NRROS: variants seen among roughly 807,000 people sequenced by gnomAD.
NRROS encodes transforming growth factor beta activator LRRC33.
NRROS carries 6 observed loss-of-function variants against 12.0 expected under a neutral mutation model. That is an observed-to-expected ratio of 0.50 (90% CI 0.27 to 0.98). The LOEUF (loss-of-function observed/expected upper bound fraction) is 0.98. Ranked by LOEUF, NRROS falls within the 50% of genes least tolerant of loss-of-function variation. The probability of loss-of-function intolerance (pLI) is 0.11; values close to 1 mark genes in which losing one functional copy is unlikely to be tolerated. For synonymous variants in NRROS, 462 were observed against 410.2 expected, an observed-to-expected ratio of 1.13 and a Z score of -1.53; for missense variants, 857 against 888.2, an observed-to-expected ratio of 0.96 and a Z score of 0.45.
chr3:196,655,235 TAA>T (rs1259170871), intron 2 of NRROS, among the ~76,000 whole-genome samples: 87 of 74,434 alleles, frequency 1.2e-3, no homozygotes, highest in Admixed American at 1.2e-3. Context: ...ACCTTGTCTT[TAA>T]AAAAAAAAAA....
intron 1 of NRROS, among the ~76,000 whole-genome samples, chr3:196,653,428 C>A (rs989099107): frequency 1.3e-5 from 2 of 152,234 alleles, no homozygotes; most frequent in Non-Finnish European, 2.9e-5. Context: ...GTGGCTGGAG[C>A]GAGCAGGTGG....
rs1292779918 is a variant in NRROS at position 196,661,376 on chromosome 3, T to C, written c.1733T>C (p.Val578Ala). Residue 578 changes from valine to alanine, a missense_variant, in exon 3 of 3, where the codon GTG becomes GCG. Physicochemically the swap from Val to Ala is moderately conservative, Grantham distance 64. Coordinates refer to ENST00000328557, the MANE Select transcript of NRROS (RefSeq NM_198565.3). ...NSLTALPQKA[V>A]SEQLSRGLRT... ...CTCACAGCCCTTCCCCAGAAGGCTG[T>C]GTCTGAGCAGCTCTCGAGAGGTCTG... 2 of 1,573,614 alleles carry C rather than the reference T, an allele frequency of 1.3e-6. No homozygotes were observed. Among genetic ancestry groups the C allele is most frequent in the South Asian group, 1.2e-5 (1 of 84,404 alleles).
intron 2 of NRROS, among the ~76,000 whole-genome samples, chr3:196,658,942 C>G (rs1465092081): frequency 2.0e-5 from 3 of 152,190 alleles, no homozygotes; most frequent in Admixed American, 1.3e-4. Flanking sequence ...TGCACTCCAG[C>G]CTGGGTGACA....
At chr3:196,653,621 G>A (rs541112554) in intron 1 of NRROS, among the ~76,000 whole-genome samples, 59 of 152,346 alleles carry the variant, frequency 3.9e-4, no homozygotes, top group East Asian at 2.3e-3. Flanking sequence ...GTGCAGCCTC[G>A]CTGCTGGGAG....
chr3:196,644,146 C>G (rs1301452721), intron 1 of NRROS, among the ~76,000 whole-genome samples: 1 of 152,200 alleles, frequency 6.6e-6, no homozygotes, highest in Non-Finnish European at 1.5e-5. Flanking sequence ...CAGTTTTCTT[C>G]TAGGCTCTCT....
intron 1 of NRROS, among the ~76,000 whole-genome samples, chr3:196,643,211 C>T (rs1249497640): frequency 6.6e-6 from 1 of 151,988 alleles, no homozygotes; most frequent in African/African-American, 2.4e-5. Context: ...GAAGGAGAAA[C>T]GAATGTGAGT....
chr3:196,659,518 A>C (rs565781938), intron 2 of NRROS, among the ~76,000 whole-genome samples: 1 of 151,944 alleles, frequency 6.6e-6, no homozygotes, highest in Non-Finnish European at 1.5e-5. Flanking sequence ...CATGTTGGCC[A>C]GGCTGGTTTT....
chr3:196,660,789 C>A lies in NRROS; in HGVS notation c.1146C>A (p.Asp382Glu). The change falls in exon 3 of 3, where the codon GAC becomes GAA. Residue 382 changes from aspartate (D) to glutamate (E), a missense_variant. Asp to Glu is a conservative substitution (Grantham distance 45). Coordinates refer to ENST00000328557, the MANE Select transcript of NRROS (RefSeq NM_198565.3). The surrounding 1 kb of genome is among the most constrained non-coding windows in gnomAD (Gnocchi z 7.7). ...HEPPGALTEL[D>E]LSHNQLSELH... ...CCCCCGGAGCGCTCACCGAGCTGGACCTGAGCCACAACCAGCTGTCGGAGC... is the reference window on the plus strand; with the variant it reads ...CCCCCGGAGCGCTCACCGAGCTGGAACTGAGCCACAACCAGCTGTCGGAGC... The A allele has an allele frequency of 6.2e-7, 1 of 1,613,822 alleles. No individual in the cohort carries two copies. The highest frequency in any genetic ancestry group is 8.5e-7 in the Non-Finnish European group (1 of 1,180,032).
chr3:196,660,158 T>C lies in NRROS; in HGVS notation c.515T>C (p.Leu172Pro). ...VSLAGNTIMRLDDSVFEGLER... is the reference protein window; with the variant it reads ...VSLAGNTIMRPDDSVFEGLER... ...CTGGCGGGGAACACCATCATGCGGC[T>C]GGACGACTCCGTCTTCGAGGGCCTG... Residue 172 changes from leucine to proline, a missense_variant, in exon 3 of 3, where the codon CTG becomes CCG. Transcript: ENST00000328557. The surrounding 1 kb of genome is among the most constrained non-coding windows in gnomAD (Gnocchi z 7.7). The C allele has an allele frequency of 6.2e-7, 1 of 1,613,090 alleles. No individual in the cohort carries two copies. The highest frequency in any genetic ancestry group is 8.5e-7 in the Non-Finnish European group (1 of 1,179,990).
Sources: allele counts gnomAD v4.1 joint callset (sites outside exome capture counted in the v4.1 genomes callset), GRCh38; gene constraint gnomAD v4.1.1; non-coding constraint Gnocchi (gnomAD v3.1); transcripts MANE v1.5; gene names NCBI Gene and HGNC (gene_info 2026-07-23, HGNC 2026-07-21).